NHSL1: variants seen among roughly 807,000 people sequenced by gnomAD.
NHSL1 encodes NHS-like protein 1.
NHSL1 carries 48 observed loss-of-function variants against 95.0 expected under a neutral mutation model. The ratio of observed to expected loss-of-function variants is 0.51; its 90% CI spans 0.40 to 0.64. The LOEUF is 0.64. NHSL1 is among the 30% of genes least tolerant of loss of function. The pLI is 0.00. For missense variants in NHSL1, 1,971 were observed against 2,077.7 expected, an observed-to-expected ratio of 0.95 and a Z score of 1.00; for synonymous variants, 783 against 833.9, an observed-to-expected ratio of 0.94 and a Z score of 1.05.
Position 138,454,200 on chromosome 6 carries a change from T to TGTGC in NHSL1, c.340-7011_340-7008dup, listed in dbSNP as rs1290249669. On this transcript the variant is annotated intron_variant, in intron 3 of 7. Coordinates refer to ENST00000343505, the MANE Select transcript of NHSL1 (RefSeq NM_001144060.2). ...CTTGTTATATGTGTGCGTGTGTGTG[T>TGTGC]GTGCGTGCGTGCATAAACTTGCTTT... 5.9e-5 allele frequency among the ~76,000 whole-genome samples: 9 copies of TGTGC among 152,260 alleles called. No individual in the cohort carries two copies. In the East Asian group the frequency reaches 1.4e-3, roughly 23 times the overall value.
intron 1 of NHSL1, among the ~76,000 whole-genome samples, chr6:138,673,276 C>G (rs911199105): frequency 7.1e-6 from 1 of 141,206 alleles, no homozygotes; most frequent in Non-Finnish European, 1.5e-5. Context: ...ATTTGCAAAG[C>G]AATACTTGGT....
chr6:138,654,143 G>A (rs149628764), intron 1 of NHSL1, among the ~76,000 whole-genome samples: 8 of 152,310 alleles, frequency 5.3e-5, no homozygotes, highest in Admixed American at 3.9e-4. Context: ...CAGAGCAGAC[G>A]AGCACTAACT....
chr6:138,664,857 C>A (rs1785274414), intron 1 of NHSL1, among the ~76,000 whole-genome samples: 1 of 152,230 alleles, frequency 6.6e-6, no homozygotes, highest in African/African-American at 2.4e-5. Context: ...AGAAGGCAGT[C>A]TGGAGACAGA....
Position 138,431,186 on chromosome 6 carries a change from CG to C in NHSL1, c.3158del (p.Pro1053ArgfsTer15). Reference protein sequence around the residue: ...QPESSRGSLRPPSTKEETSRP... With the variant: ...QPESSRGSLRXPSTKEETSRP... ...TGCTGGTCTCCTCCTTGGTAGAAGG[CG>C]GCCTCAAGGATCCCCGGGAGGATTC... On this transcript the variant is annotated frameshift_variant, in exon 6 of 8. Transcript: ENST00000343505. LOFTEE classifies it high-confidence loss of function. This position sits in a 1 kb window ranked among gnomAD's most constrained non-coding sequence, Gnocchi z 4.0. 6.5e-7 allele frequency: 1 copy of C among 1,546,704 alleles called. No homozygotes were observed. Among genetic ancestry groups the C allele is most frequent in the Non-Finnish European group, 8.7e-7 (1 of 1,143,614 alleles).
intron 7 of NHSL1, among the ~76,000 whole-genome samples, chr6:138,429,276 A>G (rs1775466551): frequency 6.6e-6 from 1 of 152,186 alleles, no homozygotes; most frequent in South Asian, 2.1e-4. Flanking sequence ...TTTTCTGTAA[A>G]ATGAAAAAAA....
At chr6:138,447,890 A>G (rs2128221132) in intron 3 of NHSL1, among the ~76,000 whole-genome samples, 1 of 152,346 alleles carries the variant, frequency 6.6e-6, no homozygotes, top group Middle Eastern at 3.4e-3. Flanking sequence ...TGCTCAAAGT[A>G]ATTTCTAGCC....
intron 1 of NHSL1, among the ~76,000 whole-genome samples, chr6:138,497,331 G>A (rs1195664238): frequency 6.6e-6 from 1 of 152,160 alleles, no homozygotes; most frequent in Non-Finnish European, 1.5e-5. Context: ...GAAAGGTACT[G>A]GAGAAAGTCC....
At chr6:138,543,735 C>A (rs1054365389) in intron 1 of NHSL1, among the ~76,000 whole-genome samples, 2 of 152,194 alleles carry the variant, frequency 1.3e-5, no homozygotes, top group African/African-American at 2.4e-5. Flanking sequence ...ATCTCACTCA[C>A]CCTTATTTTA....
chr6:138,574,167 G>T (rs76753985), upstream of NHSL1, among the ~76,000 whole-genome samples: 5,268 of 152,214 alleles, frequency 0.035, 107 homozygotes, highest in South Asian at 0.056. Context: ...CCCTGACTTT[G>T]TGATCCGCCT....
intron 1 of NHSL1, among the ~76,000 whole-genome samples, chr6:138,659,700 T>G (rs1785201147): frequency 6.7e-6 from 1 of 150,050 alleles, no homozygotes; most frequent in African/African-American, 2.5e-5. Context: ...AGAGTTATTT[T>G]TCCTACCACG....
At chr6:138,691,779 G>C (rs1457008505) in intron 1 of NHSL1, 3 of 406,764 alleles carry the variant, frequency 7.4e-6, no homozygotes, top group Non-Finnish European at 1.5e-5. Flanking sequence ...ACTATATCAG[G>C]ACATAGACTT....
intron 1 of NHSL1, among the ~76,000 whole-genome samples, chr6:138,609,332 TG>T (rs1784476607): frequency 6.6e-6 from 1 of 152,146 alleles, no homozygotes; most frequent in Non-Finnish European, 1.5e-5. Context: ...CGAGGCTGCT[TG>T]GGAAAGCTGG....
At chr6:138,513,010 T>C (rs1325256662) in intron 1 of NHSL1, among the ~76,000 whole-genome samples, 1 of 152,212 alleles carries the variant, frequency 6.6e-6, no homozygotes, top group South Asian at 2.1e-4. Context: ...TAAACTAACA[T>C]GTTCATTTAA....
chr6:138,647,758 C>T (rs1442526321), intron 1 of NHSL1, among the ~76,000 whole-genome samples: 2 of 151,994 alleles, frequency 1.3e-5, no homozygotes, highest in African/African-American at 4.8e-5. Flanking sequence ...GCGCCATGCC[C>T]GGCTAATTTT....
At position 138,431,066 on chromosome 6, in the gene NHSL1, A is replaced by G; in HGVS notation, c.3279T>C (p.Ser1093=). 1 of 1,552,034 alleles carries G rather than the reference A, an allele frequency of 6.4e-7. No homozygotes were observed. The highest frequency in any genetic ancestry group is 1.2e-5 in the South Asian group (1 of 84,064). ...KNSGAEAAQL[S]ERTAQEQRTP... is the part of the protein sequence containing the mutation. Reference sequence around the variant, plus strand: ...TTCGTTGTTCCTGAGCTGTTCGTTCAGACAACTGTGCCGCCTCAGCGCCTG... The same window carrying G: ...TTCGTTGTTCCTGAGCTGTTCGTTCGGACAACTGTGCCGCCTCAGCGCCTG... The change falls in exon 6 of 8, where the codon TCT becomes TCC. Residue 1093 remains serine, a synonymous_variant. Coordinates refer to ENST00000343505, the MANE Select transcript of NHSL1 (RefSeq NM_001144060.2). This position sits in a 1 kb window ranked among gnomAD's most constrained non-coding sequence, Gnocchi z 4.0.
intron 3 of NHSL1, among the ~76,000 whole-genome samples, chr6:138,459,355 G>A (rs1263554300): frequency 6.6e-6 from 1 of 152,026 alleles, no homozygotes; most frequent in Non-Finnish European, 1.5e-5. Flanking sequence ...TCTGTACTTT[G>A]CAATAGCTAT....
chr6:138,429,287 T>A (rs1286238269), intron 7 of NHSL1, among the ~76,000 whole-genome samples: 2 of 152,112 alleles, frequency 1.3e-5, no homozygotes, highest in African/African-American at 4.8e-5. Flanking sequence ...ATGAAAAAAA[T>A]TAGAATAAAC....
chr6:138,423,649 G>A lies in NHSL1; in HGVS notation c.*432C>T, dbSNP rs1195877919. 1 of 154,290 alleles carries A rather than the reference G, an allele frequency of 6.5e-6. No individual in the cohort carries two copies. Among genetic ancestry groups the A allele is most frequent in the Admixed American group, 6.5e-5 (1 of 15,302 alleles). 9.6% of individuals were successfully genotyped at this position (154,290 alleles called of 1,614,324 possible). A position where few individuals can be genotyped will look rare whatever the true frequency, so the allele number is the denominator to read the frequency against. On this transcript the variant is annotated 3_prime_UTR_variant, in exon 8 of 8. Coordinates refer to ENST00000343505, the MANE Select transcript of NHSL1 (RefSeq NM_001144060.2). ...ACAAAACTCGCTGATTTCTATAAAC[G>A]TAATTCTCTGAAAGCAATTACCGCC... is the stretch of plus-strand genomic sequence containing the variant.
intron 1 of NHSL1, among the ~76,000 whole-genome samples, chr6:138,619,760 C>G (rs1784628740): frequency 6.6e-6 from 1 of 151,900 alleles, no homozygotes; most frequent in Non-Finnish European, 1.5e-5. Context: ...CCATCCTGGC[C>G]AACATGGTGA....
Sources: allele counts gnomAD v4.1 joint callset (sites outside exome capture counted in the v4.1 genomes callset), GRCh38; gene constraint gnomAD v4.1.1; non-coding constraint Gnocchi (gnomAD v3.1); transcripts MANE v1.5; gene names NCBI Gene and HGNC (gene_info 2026-07-23, HGNC 2026-07-21).